WDR5: variants seen among roughly 807,000 people sequenced by gnomAD.
WDR5 encodes the protein WD repeat-containing protein 5.
For missense variants in WDR5, 187 were observed against 416.9 expected, an observed-to-expected ratio of 0.45 and a Z score of 4.80; for synonymous variants, 144 against 161.6, an observed-to-expected ratio of 0.89 and a Z score of 0.83.
intron 12 of WDR5, among the ~76,000 whole-genome samples, chr9:134,156,118 G>T (rs1832730941): frequency 6.6e-6 from 1 of 152,264 alleles, no homozygotes; most frequent in African/African-American, 2.4e-5. Flanking sequence ...AGCAGGGAGG[G>T]GAGTGTGTTT....
chr9:134,156,386 G>A lies in WDR5; in HGVS notation c.817-120G>A, dbSNP rs562976961. The A allele has an allele frequency of 4.9e-5, 49 of 994,350 alleles. No homozygotes were observed. In the African/African-American group the frequency reaches 5.9e-4, roughly 12 times the overall value. 61.6% of individuals were successfully genotyped at this position (994,350 alleles called of 1,614,324 possible). On this transcript the variant is annotated intron_variant, in intron 12 of 13. Coordinates refer to ENST00000358625, the MANE Select transcript of WDR5 (RefSeq NM_017588.3). ...GCAGGGCTTTTTGGTTGAGTTCAGC[G>A]AGGCAGCCACCAGCAGGGTGGGCGT...
At chr9:134,149,455 G>C (rs1044607039) in intron 8 of WDR5, among the ~76,000 whole-genome samples, 1 of 152,192 alleles carries the variant, frequency 6.6e-6, no homozygotes, top group African/African-American at 2.4e-5. Context: ...CCATTTACCA[G>C]CTTATTATAA....
intron 10 of WDR5, 130 bp from the exon 11 acceptor site, chr9:134,155,210 G>A: frequency 1.8e-6 from 2 of 1,124,990 alleles, no homozygotes; most frequent in Non-Finnish European, 2.4e-6. Context: ...TGATGGGGAA[G>A]GGGGTTCCAG....
chr9:134,138,795 A>C (rs1298012439), intron 1 of WDR5, among the ~76,000 whole-genome samples: 1 of 152,224 alleles, frequency 6.6e-6, no homozygotes, highest in Non-Finnish European at 1.5e-5. Context: ...GCAAGATTTC[A>C]GTTCCAAGCT....
chr9:134,143,871 C>T (rs1208682373), intron 7 of WDR5, among the ~76,000 whole-genome samples: 2 of 151,452 alleles, frequency 1.3e-5, no homozygotes, highest in African/African-American at 4.9e-5. Context: ...AAGAGTTAAA[C>T]TACACAGTAT....
chr9:134,139,919 A>G lies in WDR5; in HGVS notation c.42A>G (p.Arg14=). 1.7e-5 allele frequency: 27 copies of G among 1,613,576 alleles called. No homozygotes were observed. The highest frequency in any genetic ancestry group is 2.3e-5 in the Non-Finnish European group (27 of 1,180,004). ...AGAAGCCCGAGACCGAGGCCGCCAG[A>G]GCACAGCCAACCCCTTCGTCATCCG... ...EEKKPETEAA[R]AQPTPSSSAT... The change falls in exon 2 of 14, where the codon AGA becomes AGG. Residue 14 remains arginine, a synonymous_variant. Transcript: ENST00000358625.
chr9:134,153,676 T>C (rs1444369095), intron 9 of WDR5, among the ~76,000 whole-genome samples: 1 of 151,412 alleles, frequency 6.6e-6, no homozygotes, highest in Non-Finnish European at 1.5e-5. Context: ...GGCGTCCCCG[T>C]GGTGGTAATG....
At chr9:134,145,106 T>G (rs990535097) in intron 7 of WDR5, among the ~76,000 whole-genome samples, 1 of 129,514 alleles carries the variant, frequency 7.7e-6, no homozygotes, top group Non-Finnish European at 1.6e-5. Context: ...GTTTTTTTTT[T>G]TTTTTTTTTT....
At chr9:134,142,754 G>T in intron 7 of WDR5, 35 bp downstream of exon 7, 1 of 1,605,058 alleles carries the variant, frequency 6.2e-7, no homozygotes, top group East Asian at 2.2e-5. Flanking sequence ...GTGGTGTCCA[G>T]CACTACGTTT....
chr9:134,140,996 G>A (rs139044153), intron 3 of WDR5, among the ~76,000 whole-genome samples, 185 bp downstream of exon 3: 6 of 152,306 alleles, frequency 3.9e-5, no homozygotes, highest in East Asian at 1.9e-4. Flanking sequence ...GAAATTGCCC[G>A]TGGGGGGCCA....
intron 1 of WDR5, among the ~76,000 whole-genome samples, chr9:134,138,102 T>G (rs1223008659): frequency 6.6e-6 from 1 of 152,190 alleles, no homozygotes. Context: ...TGTTCATGTT[T>G]TTTGAGCCCA....
rs562630573 is a variant in WDR5 at position 134,137,832 on chromosome 9, T to C, written c.-59+1632T>C. On this transcript the variant is annotated intron_variant, in intron 1 of 13. Coordinates refer to ENST00000358625, the MANE Select transcript of WDR5 (RefSeq NM_017588.3). ...GCAGTGGCGCAATCTTGGTTCTGCC[T>C]TCTGGTTTCAAGTGATTCTCCTGCC... Among the ~76,000 whole-genome samples, 3 of 152,242 alleles carry C rather than the reference T, an allele frequency of 2.0e-5. No individual in the cohort carries two copies. The South Asian group carries it at 6.2e-4, about 32-fold the overall frequency.
chr9:134,137,325 A>G (rs1192689663), intron 1 of WDR5, among the ~76,000 whole-genome samples: 2 of 152,118 alleles, frequency 1.3e-5, no homozygotes, highest in East Asian at 3.9e-4. Context: ...CTCAAGATCA[A>G]GTCTCCAACC....
At chr9:134,140,572 A>G (rs1311412776) in intron 2 of WDR5, 131 bp from the exon 3 acceptor site, 6 of 766,392 alleles carry the variant, frequency 7.8e-6, no homozygotes, top group Non-Finnish European at 1.4e-5. Context: ...GATTGGTGGA[A>G]GGCACTGGGC....
intron 7 of WDR5, among the ~76,000 whole-genome samples, chr9:134,143,937 A>G (rs1390821962): frequency 1.3e-5 from 2 of 152,188 alleles, no homozygotes; most frequent in African/African-American, 2.4e-5. Flanking sequence ...AACAAAGTGC[A>G]TGAGGTAGTT....
At chr9:134,148,469 C>A in intron 8 of WDR5, 126 bp downstream of exon 8, 1 of 793,662 alleles carries the variant, frequency 1.3e-6, no homozygotes, top group Non-Finnish European at 2.0e-6. Flanking sequence ...CGAAGCTTCT[C>A]TTCTGGCCAC....
chr9:134,156,452 A>T (rs1031643884), intron 12 of WDR5, 54 bp from the exon 13 acceptor site: 39 of 1,554,716 alleles, frequency 2.5e-5, no homozygotes, highest in Non-Finnish European at 3.2e-5. Flanking sequence ...TTTCACATGC[A>T]TGAGCTCTGA....
At chr9:134,141,897 G>A (rs1831909247) in intron 4 of WDR5, 52 bp from the exon 5 acceptor site, 13 of 1,551,070 alleles carry the variant, frequency 8.4e-6, no homozygotes, top group South Asian at 1.1e-5. Flanking sequence ...ACCTTTTGCC[G>A]ATGGTCCTAT....
intron 7 of WDR5, among the ~76,000 whole-genome samples, chr9:134,145,101 T>TTTTTTG (rs1353760229): frequency 4.2e-5 from 5 of 118,352 alleles, no homozygotes; most frequent in Non-Finnish European, 7.1e-5. Flanking sequence ...GCTTTGTTTT[T>TTTTTTG]TTTTTTTTTT....
Sources: gnomAD v4.1 joint callset for allele counts (sites outside exome capture counted in the v4.1 genomes callset) on GRCh38, gnomAD v4.1.1 for gene constraint, MANE v1.5 for transcripts, NCBI Gene and HGNC (gene_info 2026-07-23, HGNC 2026-07-21) for gene names.